The following ZNF385B variants were observed in gnomAD, a reference collection of about 807,000 sequenced individuals.
ZNF385B encodes the protein zinc finger protein 533.
ZNF385B carries 23 observed loss-of-function variants against 39.2 expected under a neutral mutation model. That is an observed-to-expected ratio of 0.59 (90% CI 0.42 to 0.83). ZNF385B has a LOEUF of 0.83. ZNF385B is among the 40% of genes least tolerant of loss of function. The pLI, the probability that ZNF385B is intolerant of heterozygous loss-of-function variation, is 0.00. For synonymous variants in ZNF385B, 205 were observed against 222.6 expected (o/e 0.92, Z 0.70); for missense variants, 552 against 598.9 (o/e 0.92, Z 0.82).
chr2:179,668,537 A>G (rs1240903946), intron 3 of ZNF385B, among the ~76,000 whole-genome samples: 1 of 124,752 alleles, frequency 8.0e-6, no homozygotes. Flanking sequence ...CATTTTCTCT[A>G]TTTTTGTTTG....
intron 3 of ZNF385B, among the ~76,000 whole-genome samples, chr2:179,740,686 T>A (rs1273067739): frequency 6.6e-6 from 1 of 152,102 alleles, no homozygotes. Flanking sequence ...GATGCCAACA[T>A]GGGGACGGGA....
chr2:179,623,488 C>T (rs1470321469), intron 3 of ZNF385B, among the ~76,000 whole-genome samples: 1 of 152,142 alleles, frequency 6.6e-6, no homozygotes, highest in Non-Finnish European at 1.5e-5. Context: ...CCTGATCCTC[C>T]ACCCCGTGAA....
intron 3 of ZNF385B, among the ~76,000 whole-genome samples, chr2:179,725,326 C>G (rs530505914): frequency 6.6e-6 from 1 of 152,012 alleles, no homozygotes; most frequent in Admixed American, 6.6e-5. Context: ...AAATGAAAAA[C>G]TGCTTTAACT....
At chr2:179,760,224 G>GCA (rs34569364) in intron 3 of ZNF385B, among the ~76,000 whole-genome samples, 2 of 38,326 alleles carry the variant, frequency 5.2e-5, no homozygotes, top group Non-Finnish European at 1.2e-4. Context: ...TCCTGTGTGC[G>GCA]TGTGTGTGTG....
intron 1 of ZNF385B, among the ~76,000 whole-genome samples, chr2:179,792,660 C>A (rs1331466930): frequency 2.0e-5 from 3 of 151,832 alleles, no homozygotes; most frequent in Non-Finnish European, 4.4e-5. Context: ...CAGGCGTGAG[C>A]CACCACGCCC....
chr2:179,623,696 C>T (rs1176176539), intron 3 of ZNF385B, among the ~76,000 whole-genome samples: 1 of 152,122 alleles, frequency 6.6e-6, no homozygotes, highest in Non-Finnish European at 1.5e-5. Context: ...GGCATGAATC[C>T]AGGCTCTGGT....
chr2:179,458,007 G>A (rs1287023431), intron 6 of ZNF385B, among the ~76,000 whole-genome samples: 1 of 152,176 alleles, frequency 6.6e-6, no homozygotes, highest in African/African-American at 2.4e-5. Context: ...CTGTTTTAAG[G>A]AATATTAGAC....
At chr2:179,839,892 G>A (rs1247439781) in intron 1 of ZNF385B, among the ~76,000 whole-genome samples, 2 of 152,166 alleles carry the variant, frequency 1.3e-5, no homozygotes, top group Non-Finnish European at 2.9e-5. Context: ...CCCTTCCAGG[G>A]AGGGATCTGG....
intron 4 of ZNF385B, among the ~76,000 whole-genome samples, chr2:179,528,534 T>C (rs183406141): frequency 6.6e-6 from 1 of 152,368 alleles, no homozygotes; most frequent in Admixed American, 6.5e-5. Flanking sequence ...TTTTCATCTT[T>C]TATACTTTTA....
intron 1 of ZNF385B, among the ~76,000 whole-genome samples, chr2:179,836,643 C>T (rs1332238285): frequency 1.3e-5 from 2 of 150,524 alleles, no homozygotes; most frequent in Non-Finnish European, 3.0e-5. Flanking sequence ...CTCAGCCTCC[C>T]GAGTAGCTGG....
intron 3 of ZNF385B, among the ~76,000 whole-genome samples, chr2:179,705,949 C>G (rs564332528): frequency 3.8e-4 from 58 of 152,208 alleles, no homozygotes; most frequent in Non-Finnish European, 7.6e-4. Flanking sequence ...TCCCCTTTCT[C>G]CTTATCTATT....
intron 3 of ZNF385B, among the ~76,000 whole-genome samples, chr2:179,678,487 A>C (rs1239284048): frequency 6.6e-6 from 1 of 152,128 alleles, no homozygotes; most frequent in Admixed American, 6.6e-5. Flanking sequence ...CTTGGGATGT[A>C]ATTACTGGTG....
At chr2:179,731,364 C>T (rs888955341) in intron 3 of ZNF385B, among the ~76,000 whole-genome samples, 6 of 152,140 alleles carry the variant, frequency 3.9e-5, no homozygotes, top group African/African-American at 1.4e-4. Context: ...GGTCAGTGTT[C>T]GAACCTGTGG....
At chr2:179,724,229 A>G (rs944511299) in intron 3 of ZNF385B, among the ~76,000 whole-genome samples, 9 of 152,130 alleles carry the variant, frequency 5.9e-5, no homozygotes, top group Admixed American at 4.6e-4. Context: ...GAATCTCTTG[A>G]ACCTGGGAGG....
intron 3 of ZNF385B, among the ~76,000 whole-genome samples, chr2:179,568,640 C>T (rs1684867608): frequency 6.6e-6 from 1 of 152,198 alleles, no homozygotes; most frequent in Non-Finnish European, 1.5e-5. Context: ...ATTATCACAG[C>T]AGGGCTGACA....
At chr2:179,557,793 A>C (rs2061045319) in intron 3 of ZNF385B, among the ~76,000 whole-genome samples, 1 of 151,932 alleles carries the variant, frequency 6.6e-6, no homozygotes, top group Non-Finnish European at 1.5e-5. Flanking sequence ...TATGATGCTG[A>C]GGTTTGGGCT....
chr2:179,710,260 T>C (rs1396649660), intron 3 of ZNF385B, among the ~76,000 whole-genome samples: 4 of 152,074 alleles, frequency 2.6e-5, no homozygotes, highest in Non-Finnish European at 4.4e-5. Flanking sequence ...GGTAGACAGT[T>C]TGAGGGACAG....
At chr2:179,785,479 A>G (rs905805056) in intron 1 of ZNF385B, among the ~76,000 whole-genome samples, 4 of 152,132 alleles carry the variant, frequency 2.6e-5, no homozygotes, top group Non-Finnish European at 4.4e-5. Context: ...ATAAATCTGG[A>G]AAGGATTTGC....
At chr2:179,816,021 C>T (rs1306291459) in intron 1 of ZNF385B, among the ~76,000 whole-genome samples, 1 of 152,098 alleles carries the variant, frequency 6.6e-6, no homozygotes, top group Non-Finnish European at 1.5e-5. Flanking sequence ...CACACACACA[C>T]ACCTGCAGAT....
Sources: gnomAD v4.1 joint callset for allele counts (sites outside exome capture counted in the v4.1 genomes callset) on GRCh38, gnomAD v4.1.1 for gene constraint, MANE v1.5 for transcripts, NCBI Gene and HGNC (gene_info 2026-07-23, HGNC 2026-07-21) for gene names.